DMD: variants seen among roughly 807,000 people sequenced by gnomAD.
The protein encoded by DMD is mutant dystrophin.
DMD carries 63 observed loss-of-function variants against 330.1 expected under a neutral mutation model. That is an observed-to-expected ratio of 0.19 (90% CI 0.16 to 0.24). DMD has a LOEUF of 0.24. Among genes scored for constraint, DMD ranks in the 10% least tolerant of loss-of-function variants. DMD has a pLI of 1.00. For missense variants in DMD, 3,344 were observed against 2,684.1 expected, an observed-to-expected ratio of 1.25 and a Z score of -5.43; for synonymous variants, 1,223 against 959.8, an observed-to-expected ratio of 1.27 and a Z score of -5.07.
At chrX:33,333,601 G>A (rs760186823) in intron 1 of DMD, among the ~76,000 whole-genome samples, 1 of 110,976 alleles carries the variant, frequency 9.0e-6, no homozygotes, top group Non-Finnish European at 1.9e-5. Flanking sequence ...GAAAAAAAAT[G>A]TGGGGATTTT....
chrX:32,354,965 T>C (rs2097794067), intron 37 of DMD, among the ~76,000 whole-genome samples: 1 of 111,376 alleles, frequency 9.0e-6, no homozygotes, highest in South Asian at 3.7e-4. Context: ...GAGGAAAACA[T>C]TTAACTCTAA....
intron 2 of DMD, among the ~76,000 whole-genome samples, chrX:32,990,263 G>A (rs886627548): frequency 2.7e-5 from 3 of 111,679 alleles, no homozygotes; most frequent in Non-Finnish European, 5.6e-5. Context: ...TCTTCTTAGA[G>A]ACCATGCTTT....
chrX:31,801,363 C>T (rs913497451), intron 50 of DMD, among the ~76,000 whole-genome samples: 11 of 111,224 alleles, frequency 9.9e-5, no homozygotes, highest in Non-Finnish European at 1.9e-4. Context: ...TCAATTACTT[C>T]CCCCTGGGTC....
intron 29 of DMD, among the ~76,000 whole-genome samples, chrX:32,433,899 T>C (rs756286471): frequency 1.8e-5 from 2 of 112,036 alleles, no homozygotes; most frequent in Non-Finnish European, 3.8e-5. Context: ...AAAAATGATA[T>C]GATTTGGTAC....
At chrX:32,657,230 G>A (rs1391380309) in intron 9 of DMD, among the ~76,000 whole-genome samples, 2 of 111,272 alleles carry the variant, frequency 1.8e-5, no homozygotes, top group South Asian at 3.7e-4. Flanking sequence ...AATAAGCACT[G>A]TTATGGCAAA....
intron 1 of DMD, among the ~76,000 whole-genome samples, chrX:33,079,421 AC>A (rs774464054): frequency 8.9e-6 from 1 of 111,900 alleles, no homozygotes; most frequent in South Asian, 3.7e-4. Context: ...GAAATTTGTT[AC>A]CTCTGTGGCA....
At chrX:33,124,500 A>AAAAAAAAAAAAAAAAAAC (rs2095448261) in intron 1 of DMD, among the ~76,000 whole-genome samples, 1 of 104,394 alleles carries the variant, frequency 9.6e-6, no homozygotes, top group African/African-American at 3.7e-5. Context: ...AAAAAAAAAA[A>AAAAAAAAAAAAAAAAAAC]AAAAAAAAAA....
intron 39 of DMD, among the ~76,000 whole-genome samples, chrX:32,345,411 A>C (rs926022575): frequency 9.0e-6 from 1 of 111,660 alleles, no homozygotes; most frequent in Admixed American, 9.6e-5. Flanking sequence ...ATTATTTTTT[A>C]GGATTCCTAC....
intron 32 of DMD, among the ~76,000 whole-genome samples, chrX:32,388,123 G>A (rs149607065): frequency 0.012 from 1,291 of 111,219 alleles, 10 homozygotes; most frequent in South Asian, 0.076. Flanking sequence ...ATTTAAACCA[G>A]AACCAGAAAC....
At chrX:32,654,609 CTCTTT>C (rs1216011207) in intron 9 of DMD, among the ~76,000 whole-genome samples, 3 of 99,590 alleles carry the variant, frequency 3.0e-5, no homozygotes, top group African/African-American at 1.4e-4. Context: ...GTCTAAAATT[CTCTTT>C]TTTTTGTTTT....
intron 1 of DMD, among the ~76,000 whole-genome samples, chrX:33,222,104 A>C (rs1208987601): frequency 1.8e-5 from 2 of 111,829 alleles, no homozygotes; most frequent in East Asian, 5.6e-4. Context: ...AAACAGTACA[A>C]AAGAAGAAAA....
intron 43 of DMD, among the ~76,000 whole-genome samples, chrX:32,222,385 A>T (rs1267010528): frequency 8.9e-6 from 1 of 112,162 alleles, no homozygotes; most frequent in East Asian, 2.8e-4. Flanking sequence ...AATCAACAAC[A>T]AAGCCAACAC....
intron 51 of DMD, among the ~76,000 whole-genome samples, chrX:31,732,969 T>C (rs972347612): frequency 2.7e-5 from 3 of 111,487 alleles, no homozygotes; most frequent in Non-Finnish European, 3.8e-5. Context: ...ATGGATCGTG[T>C]CTACATGGAT....
chrX:32,019,454 T>C (rs1414537957), intron 44 of DMD, among the ~76,000 whole-genome samples: 1 of 112,382 alleles, frequency 8.9e-6, no homozygotes, highest in Non-Finnish European at 1.9e-5. Flanking sequence ...TTTAAGCCAG[T>C]AAGTTAAAAT....
At chrX:31,394,578 G>A (rs375840269) in intron 60 of DMD, among the ~76,000 whole-genome samples, 2 of 111,431 alleles carry the variant, frequency 1.8e-5, no homozygotes, top group South Asian at 7.7e-4. Flanking sequence ...TGGATCACCT[G>A]AGGTCAGGAG....
chrX:32,006,678 T>G (rs780036388), intron 44 of DMD, among the ~76,000 whole-genome samples: 1 of 111,023 alleles, frequency 9.0e-6, no homozygotes, highest in African/African-American at 3.3e-5. Context: ...TGTCACCAGA[T>G]TTGGAAATAG....
intron 47 of DMD, among the ~76,000 whole-genome samples, chrX:31,912,571 C>T (rs1232273427): frequency 3.6e-5 from 4 of 111,860 alleles, no homozygotes; most frequent in Non-Finnish European, 3.8e-5. Context: ...TTGACTGTAA[C>T]GGTTCCTACT....
At chrX:31,311,304 G>C (rs2055503394) in intron 62 of DMD, among the ~76,000 whole-genome samples, 1 of 111,605 alleles carries the variant, frequency 9.0e-6, no homozygotes, top group Admixed American at 9.5e-5. Context: ...TGTTGCAAAG[G>C]CTCCTGCAGA....
At chrX:33,183,705 G>T (rs1434167404) in intron 1 of DMD, among the ~76,000 whole-genome samples, 1 of 110,954 alleles carries the variant, frequency 9.0e-6, no homozygotes, top group African/African-American at 3.3e-5. Context: ...CTACATTTCT[G>T]TGCTTTTCCC....
Sources: allele counts gnomAD v4.1 joint callset (sites outside exome capture counted in the v4.1 genomes callset), GRCh38; gene constraint gnomAD v4.1.1; transcripts MANE v1.5; gene names NCBI Gene and HGNC (gene_info 2026-07-23, HGNC 2026-07-21).